The following ZNF74 variants were observed in gnomAD, a reference collection of about 807,000 sequenced individuals.
ZNF74 encodes zinc finger protein 520.
ZNF74 carries 12 observed loss-of-function variants against 17.7 expected under a neutral mutation model. That is an observed-to-expected ratio of 0.68 (90% confidence interval 0.43 to 1.10). The LOEUF is 1.10. ZNF74 is among the 50% of genes least tolerant of loss of function. ZNF74 has a pLI of 0.00. For synonymous variants in ZNF74, 358 were observed against 362.1 expected (o/e 0.99, Z 0.13); for missense variants, 811 against 881.0 (o/e 0.92, Z 1.01).
At chr22:20,399,321 C>G (rs1192490547) in intron 2 of ZNF74, among the ~76,000 whole-genome samples, 1 of 150,982 alleles carries the variant, frequency 6.6e-6, no homozygotes, top group East Asian at 1.9e-4. Context: ...GTAATATTCT[C>G]TTTGTCTCTG....
chr22:20,405,674 C>T lies in ZNF74; in HGVS notation c.641C>T (p.Pro214Leu). The T allele has an allele frequency of 6.2e-7, 1 of 1,610,738 alleles. No individual in the cohort carries two copies. Among genetic ancestry groups the T allele is most frequent in the Non-Finnish European group, 8.5e-7 (1 of 1,178,610 alleles). ...VQATEGRTKA[P>L]ARLCAGENAS... ...GCCACTGAGGGCAGAACCAAGGCCCCCGCGAGACTGTGTGCAGGGGAAAAC... is the reference window on the plus strand; with the variant it reads ...GCCACTGAGGGCAGAACCAAGGCCCTCGCGAGACTGTGTGCAGGGGAAAAC... Residue 214 changes from proline (P) to leucine (L), a missense_variant, in exon 5 of 5, where the codon CCC (proline) becomes CTC (leucine). By Grantham distance (98) the Pro-to-Leu change is moderately conservative (BLOSUM62 -3). This residue lies in a region of ZNF74 where 666 missense variants were observed against 702.3 expected (regional missense o/e 0.95). Transcript: ENST00000400451.
intron 1 of ZNF74, 80 bp downstream of exon 1, chr22:20,394,742 T>G: frequency 7.2e-7 from 1 of 1,383,428 alleles, no homozygotes. Context: ...CAGGCCAGTT[T>G]CCCAGAAGCA....
At chr22:20,397,456 C>T (rs1008081851) in intron 2 of ZNF74, among the ~76,000 whole-genome samples, 6 of 152,168 alleles carry the variant, frequency 3.9e-5, no homozygotes, top group African/African-American at 1.2e-4. Context: ...GTTGAGCAAA[C>T]GTATACAGTT....
At position 20,394,465 on chromosome 22, in the gene ZNF74, G is replaced by GCA. The variant is rs2052268349; in HGVS notation, c.-164_-163insCA. 2.9e-6 allele frequency: 2 copies of GCA among 683,940 alleles called. No homozygotes were observed. The highest frequency in any genetic ancestry group is 5.2e-5 in the Admixed American group (2 of 38,112). The allele number at this position is 683,940 out of a possible 1,614,324, so 42.4% of individuals were successfully genotyped here. A position where few individuals can be genotyped will look rare whatever the true frequency, so the allele number is the denominator to read the frequency against. ...CCCACCTCAGCCGGGCGCGGGGAGGGGGCTCCGTGCGTGTGATCGTGCAGC... is the reference window on the plus strand; with the variant it reads ...CCCACCTCAGCCGGGCGCGGGGAGGGCAGGCTCCGTGCGTGTGATCGTGCAGC... On this transcript the variant is annotated 5_prime_UTR_variant, in exon 1 of 5. An upstream open reading frame in the 5' UTR loses its in-frame stop. Transcript: ENST00000400451.
chr22:20,406,227 C>T lies in ZNF74; in HGVS notation c.1194C>T (p.Thr398=). The T allele has an allele frequency of 5.0e-6, 8 of 1,612,970 alleles. No individual in the cohort carries two copies. The highest frequency in any genetic ancestry group is 6.8e-6 in the Non-Finnish European group (8 of 1,179,914). Residue 398 remains threonine, a synonymous_variant, in exon 5 of 5, where the codon ACC becomes ACT. Transcript: ENST00000400451. ...YQCGSCGKAF[T]CHSSLTVHEK... ...GCGGCTCCTGCGGCAAGGCCTTCACCTGCCACTCATCCCTCACCGTGCATG... is the reference window on the plus strand; with the variant it reads ...GCGGCTCCTGCGGCAAGGCCTTCACTTGCCACTCATCCCTCACCGTGCATG...
rs774540013 is a variant in ZNF74, at chr22:20,406,905, C to T, written c.1872C>T (p.Leu624=). Residue 624 remains leucine (L), a synonymous_variant, in exon 5 of 5, where the codon CTC becomes CTT. Coordinates refer to ENST00000400451, the MANE Select transcript of ZNF74 (RefSeq NM_003426.4). ...DPIDALDVAK[L]LCVVPPRAGR... Reference sequence around the variant, plus strand: ...TCGACGCGCTGGATGTGGCAAAGCTCTTGTGCGTGGTTCCCCCCAGAGCTG... The same window carrying T: ...TCGACGCGCTGGATGTGGCAAAGCTTTTGTGCGTGGTTCCCCCCAGAGCTG... 1 of 1,614,024 alleles carries T rather than the reference C, an allele frequency of 6.2e-7. No individual in the cohort carries two copies. Among genetic ancestry groups the T allele is most frequent in the Admixed American group, 1.7e-5 (1 of 60,032 alleles).
At chr22:20,399,194 G>A (rs2052329939) in intron 2 of ZNF74, among the ~76,000 whole-genome samples, 1 of 152,034 alleles carries the variant, frequency 6.6e-6, no homozygotes, top group Admixed American at 6.5e-5. Context: ...GTTGAATGAT[G>A]GTGTTTTTTA....
intron 4 of ZNF74, among the ~76,000 whole-genome samples, chr22:20,403,787 C>T (rs1212129345): frequency 6.6e-6 from 1 of 152,036 alleles, no homozygotes; most frequent in Non-Finnish European, 1.5e-5. Context: ...GCTTCCCCCG[C>T]CCCCCGTCAA....
Position 20,406,492 on chromosome 22 carries a change from C to T in ZNF74, c.1459C>T (p.Leu487Phe). ...CAAAGCCTTCAGCTCCCACGCCTAC[C>T]TCATCGTGCACCGGCGCATCCACAC... ...CGKAFSSHAYLIVHRRIHTGE... is the reference protein window; with the variant it reads ...CGKAFSSHAYFIVHRRIHTGE... The change falls in exon 5 of 5, where the codon CTC becomes TTC. Residue 487 changes from leucine to phenylalanine, a missense_variant. By Grantham distance (22) the Leu-to-Phe change is conservative. This residue lies in a region of ZNF74 where 666 missense variants were observed against 702.3 expected (regional missense o/e 0.95). Transcript: ENST00000400451. 1 of 1,614,076 alleles carries T rather than the reference C, an allele frequency of 6.2e-7. No individual in the cohort carries two copies. The highest frequency in any genetic ancestry group is 8.5e-7 in the Non-Finnish European group (1 of 1,179,968).
At position 20,394,593 on chromosome 22, in the gene ZNF74, C is replaced by T; in HGVS notation, c.-36C>T. ...GCCCTGGATCCTGGAGGCTACACAG[C>T]TGCCCACTCCTCCTGGGGAGGCTGC... On this transcript the variant is annotated 5_prime_UTR_variant, in exon 1 of 5. Transcript: ENST00000400451. The T allele has an allele frequency of 6.2e-7, 1 of 1,613,216 alleles. No homozygotes were observed. The highest frequency in any genetic ancestry group is 8.5e-7 in the Non-Finnish European group (1 of 1,179,174).
rs12484067 is a variant in ZNF74, at chr22:20,401,464, C to T, written c.343+92C>T. 3.6e-3 allele frequency: 2,959 copies of T among 827,580 alleles called. 59 individuals are homozygous for T. The East Asian group carries it at 0.046, about 13-fold the overall frequency. 51.3% of individuals were successfully genotyped at this position (827,580 alleles called of 1,614,324 possible). On this transcript the variant is annotated intron_variant, in intron 4 of 4. Coordinates refer to ENST00000400451, the MANE Select transcript of ZNF74 (RefSeq NM_003426.4). The surrounding 1 kb of genome is among the most constrained non-coding windows in gnomAD (Gnocchi z 4.2). The stretch of plus-strand genomic sequence containing the variant: ...CCTATTTTCCTCCCTCAGTTTGCCC[C>T]GGCTCCATCTCCCCTTTTCAGGTCC...
chr22:20,408,170 A>G lies in ZNF74; in HGVS notation c.*1202A>G, dbSNP rs1373559627. 1 of 152,160 alleles carries G rather than the reference A, an allele frequency of 6.6e-6. No individual in the cohort carries two copies. Among genetic ancestry groups the G allele is most frequent in the Non-Finnish European group, 1.5e-5 (1 of 68,012 alleles). 9.4% of individuals were successfully genotyped at this position (152,160 alleles called of 1,614,324 possible). A position where few individuals can be genotyped will look rare whatever the true frequency, so the allele number is the denominator to read the frequency against. On this transcript the variant is annotated 3_prime_UTR_variant, in exon 5 of 5. Transcript: ENST00000400451. ...GAGACGGGCTCCATGGTGGTCCCAC[A>G]TGGAGCTGTTTTGCAAACCCTGGAA...
In ZNF74 at chr22:20,405,463, G is replaced by T; in HGVS notation, c.430G>T (p.Gly144Cys). ...AQEPIMERPL[G>C]GAQAWGRQAG... is the part of the protein sequence containing the mutation. ...GGAGCCCATCATGGAGCGGCCCCTC[G>T]GCGGGGCGCAGGCGTGGGGGCGCCA... Residue 144 changes from glycine to cysteine, a missense_variant, in exon 5 of 5, where the codon GGC becomes TGC. Physicochemically the swap from Gly to Cys is radical, Grantham distance 159. Around this residue, in one of 3 missense-constraint regions of ZNF74, gnomAD observed 666 missense variants for 702.3 expected, o/e 0.95. Coordinates refer to ENST00000400451, the MANE Select transcript of ZNF74 (RefSeq NM_003426.4). 6.2e-7 allele frequency: 1 copy of T among 1,612,442 alleles called. No individual in the cohort carries two copies. Among genetic ancestry groups the T allele is most frequent in the Non-Finnish European group, 8.5e-7 (1 of 1,179,550 alleles).
At chr22:20,395,790 G>T (rs2052286328) in intron 2 of ZNF74, among the ~76,000 whole-genome samples, 1 of 152,130 alleles carries the variant, frequency 6.6e-6, no homozygotes, top group African/African-American at 2.4e-5. Flanking sequence ...ATGTTTGCAC[G>T]GTTGGTTTAC....
rs367990523 is a variant in ZNF74 at position 20,405,519 on chromosome 22, G to A, written c.486G>A (p.Ala162=). The change falls in exon 5 of 5, where the codon GCG becomes GCA. Residue 162 remains alanine, a synonymous_variant. Transcript: ENST00000400451. ...GTGCTCTGCAGAGGAGTCAGGCTGC[G>A]CCCTGGGCGCCCGCACCTGCCATGG... The part of the protein sequence containing the change: ...QAGALQRSQA[A]PWAPAPAMVW... 17 of 1,602,070 alleles carry A rather than the reference G, an allele frequency of 1.1e-5. No individual in the cohort carries two copies. The East Asian group carries it at 1.6e-4, about 15-fold the overall frequency.
chr22:20,400,350 C>A (rs2052342986), intron 2 of ZNF74: 6 of 430,330 alleles, frequency 1.4e-5, no homozygotes, highest in Non-Finnish European at 2.6e-5. Context: ...CCATGTACAG[C>A]CCCTGGGTCC....
At chr22:20,402,528 G>A (rs982045736) in intron 4 of ZNF74, among the ~76,000 whole-genome samples, 15 of 152,092 alleles carry the variant, frequency 9.9e-5, no homozygotes, top group African/African-American at 2.9e-4. Context: ...GTGGCCAGGC[G>A]TGATGGCTCA....
intron 4 of ZNF74, among the ~76,000 whole-genome samples, chr22:20,403,725 C>G (rs2052382833): frequency 6.6e-6 from 1 of 152,140 alleles, no homozygotes; most frequent in African/African-American, 2.4e-5. Flanking sequence ...GCTGTGATTG[C>G]ACCCCTGCAC....
At chr22:20,395,620 C>G (rs1034437519) in intron 2 of ZNF74, among the ~76,000 whole-genome samples, 7 of 152,174 alleles carry the variant, frequency 4.6e-5, no homozygotes, top group African/African-American at 1.7e-4. Flanking sequence ...TATTGAATGT[C>G]TCGCCCAGTC....
Sources: gnomAD v4.1 joint callset for allele counts (sites outside exome capture counted in the v4.1 genomes callset) on GRCh38, gnomAD v4.1.1 for gene constraint, gnomAD v4.1.1 regional missense constraint, Gnocchi (gnomAD v3.1) non-coding constraint, MANE v1.5 for transcripts, NCBI Gene and HGNC (gene_info 2026-07-23, HGNC 2026-07-21) for gene names.